Variants in DLGAP2 observed in about 807,000 individuals in gnomAD.
DLGAP2 encodes the protein DLG associated protein 2.
DLGAP2 carries 26 observed loss-of-function variants against 100.3 expected under a neutral mutation model. That is an observed-to-expected ratio of 0.26 (90% CI 0.19 to 0.36). The LOEUF (loss-of-function observed/expected upper bound fraction) is 0.36. DLGAP2 is among the 10% of genes least tolerant of loss of function. The probability of loss-of-function intolerance (pLI) is 1.00; values close to 1 mark genes in which losing one functional copy is unlikely to be tolerated. For synonymous variants in DLGAP2, 886 were observed against 630.1 expected, an observed-to-expected ratio of 1.41 and a Z score of -6.08; for missense variants, 1,858 against 1,453.2, an observed-to-expected ratio of 1.28 and a Z score of -4.53.
At chr8:1,048,510 A>G (rs1802578597) in intron 2 of DLGAP2, among the ~76,000 whole-genome samples, 1 of 151,444 alleles carries the variant, frequency 6.6e-6, no homozygotes, top group Non-Finnish European at 1.5e-5. Context: ...GCCCTGCTAT[A>G]CTCCGCAAGG....
At chr8:943,435 G>T (rs1341535149) in intron 2 of DLGAP2, among the ~76,000 whole-genome samples, 1 of 152,282 alleles carries the variant, frequency 6.6e-6, no homozygotes, top group Non-Finnish European at 1.5e-5. Context: ...GTGTCTGGTG[G>T]CTGCTCTGTG....
intron 3 of DLGAP2, among the ~76,000 whole-genome samples, chr8:1,370,819 A>G (rs974703935): frequency 3.9e-5 from 6 of 152,182 alleles, no homozygotes; most frequent in East Asian, 3.9e-4. Flanking sequence ...CTGTTTCTTC[A>G]TCATTAAATT....
chr8:1,604,038 A>G (rs1205691754), intron 6 of DLGAP2, among the ~76,000 whole-genome samples: 4 of 152,240 alleles, frequency 2.6e-5, no homozygotes, highest in East Asian at 1.9e-4. Context: ...TTCCATTCTG[A>G]TGCCCAAGAC....
chr8:868,094 C>G (rs1479959082), intron 1 of DLGAP2, among the ~76,000 whole-genome samples: 1 of 152,138 alleles, frequency 6.6e-6, no homozygotes, highest in Non-Finnish European at 1.5e-5. Context: ...ATACTTTAAG[C>G]TAATTAAAAA....
chr8:1,037,790 C>G (rs1230810252), intron 2 of DLGAP2, among the ~76,000 whole-genome samples: 1 of 152,184 alleles, frequency 6.6e-6, no homozygotes, highest in African/African-American at 2.4e-5. Context: ...TGCCTTGTCT[C>G]AGCCAGGGGC....
Position 1,560,730 on chromosome 8 carries a change from G to T in DLGAP2, c.1231-4953G>T, listed in dbSNP as rs536023738. On this transcript the variant is annotated intron_variant, in intron 5 of 14. Transcript: ENST00000637795. Reference sequence around the variant, plus strand: ...TCTTCCTTAGTCATCTTTTTCCAGTGCTCAAACTTCCTCACTGTCAGGAAA... The same window carrying T: ...TCTTCCTTAGTCATCTTTTTCCAGTTCTCAAACTTCCTCACTGTCAGGAAA... 3.9e-5 allele frequency among the ~76,000 whole-genome samples: 6 copies of T among 152,344 alleles called. 1 individual carries two copies. In the Middle Eastern group the frequency reaches 0.01, roughly 259 times the overall value.
At chr8:1,525,384 G>A (rs1563201439) in intron 4 of DLGAP2, among the ~76,000 whole-genome samples, 1 of 152,172 alleles carries the variant, frequency 6.6e-6, no homozygotes, top group Middle Eastern at 3.4e-3. Flanking sequence ...ATTGATTGCT[G>A]TTAGCTGGTG....
chr8:1,624,217 AT>A (rs1458424479), intron 6 of DLGAP2, among the ~76,000 whole-genome samples: 3 of 152,158 alleles, frequency 2.0e-5, no homozygotes, highest in African/African-American at 7.2e-5. Flanking sequence ...TTGGAAGAAA[AT>A]TGGTAATTGG....
chr8:1,274,258 A>G (rs145501150), intron 3 of DLGAP2, among the ~76,000 whole-genome samples: 2,879 of 152,216 alleles, frequency 0.019, 38 homozygotes, highest in South Asian at 0.061. Flanking sequence ...ACTCTTCCCC[A>G]CCCACCATAA....
intron 1 of DLGAP2, among the ~76,000 whole-genome samples, chr8:771,675 C>T (rs907573175): frequency 6.6e-6 from 1 of 152,242 alleles, no homozygotes; most frequent in East Asian, 1.9e-4. Context: ...GCATTGAACA[C>T]GACGTGGCCT....
intron 3 of DLGAP2, among the ~76,000 whole-genome samples, chr8:1,480,463 C>T (rs888628437): frequency 6.6e-6 from 1 of 152,194 alleles, no homozygotes; most frequent in Non-Finnish European, 1.5e-5. Flanking sequence ...CCCAGAAATA[C>T]AGCATTGAAG....
chr8:1,235,302 A>G (rs62486951), intron 2 of DLGAP2, among the ~76,000 whole-genome samples: 112,029 of 148,104 alleles, frequency 0.76, 42,697 homozygotes, highest in Middle Eastern at 0.9. Flanking sequence ...TCCCTCACAC[A>G]TGGCATCGTG....
At chr8:1,356,316 C>A (rs149639289) in intron 3 of DLGAP2, among the ~76,000 whole-genome samples, 2 of 152,198 alleles carry the variant, frequency 1.3e-5, no homozygotes, top group African/African-American at 2.4e-5. Flanking sequence ...CCTCACCTTA[C>A]GGTTTCAACG....
chr8:768,512 CCTCCTGGGTTCAAGTGATT>C (rs1821273433), intron 1 of DLGAP2, among the ~76,000 whole-genome samples: 1 of 150,304 alleles, frequency 6.7e-6, no homozygotes, highest in African/African-American at 2.4e-5. Context: ...GCAACCTCCA[CCTCCTGGGTTCAAGTGATT>C]CTCCTGCCTC....
intron 3 of DLGAP2, among the ~76,000 whole-genome samples, chr8:1,485,377 G>A (rs1433862631): frequency 6.6e-6 from 1 of 152,224 alleles, no homozygotes; most frequent in African/African-American, 2.4e-5. Context: ...ATGTTTTTAA[G>A]AGCGTTCATG....
intron 3 of DLGAP2, among the ~76,000 whole-genome samples, chr8:1,267,430 G>A (rs905637341): frequency 6.7e-6 from 1 of 150,162 alleles, no homozygotes; most frequent in African/African-American, 2.4e-5. Flanking sequence ...GCCAGGTGTG[G>A]CGGCGGGCGC....
At chr8:976,317 T>A (rs1319347400) in intron 2 of DLGAP2, among the ~76,000 whole-genome samples, 2 of 151,938 alleles carry the variant, frequency 1.3e-5, no homozygotes, top group African/African-American at 2.4e-5. Flanking sequence ...GCCCAGAAAA[T>A]AGACTCAGTG....
intron 3 of DLGAP2, among the ~76,000 whole-genome samples, chr8:1,341,752 A>T (rs1801423653): frequency 6.6e-6 from 1 of 152,110 alleles, no homozygotes; most frequent in African/African-American, 2.4e-5. Context: ...AGGGTGTGCT[A>T]GCAGGTGTCA....
At chr8:1,505,973 A>G (rs1799898681) in intron 4 of DLGAP2, among the ~76,000 whole-genome samples, 1 of 152,286 alleles carries the variant, frequency 6.6e-6, no homozygotes, top group African/African-American at 2.4e-5. Flanking sequence ...AAAGTATATT[A>G]AGCACATATT....
Sources: gnomAD v4.1 joint callset for allele counts (sites outside exome capture counted in the v4.1 genomes callset) on GRCh38, gnomAD v4.1.1 for gene constraint, MANE v1.5 for transcripts, NCBI Gene and HGNC (gene_info 2026-07-23, HGNC 2026-07-21) for gene names.